LRGUK: variants seen among roughly 807,000 people sequenced by gnomAD.
LRGUK encodes the protein leucine-rich repeat and guanylate kinase domain-containing protein.
In LRGUK, 65 loss-of-function variants were observed where a neutral mutation model predicts 76.0. That is an observed-to-expected ratio of 0.85 (90% CI 0.70 to 1.05). The LOEUF (loss-of-function observed/expected upper bound fraction) is 1.05, where lower values mean the gene tolerates loss of function less well. Ranked by LOEUF, LRGUK falls within the 50% of genes least tolerant of loss-of-function variation. The pLI is 0.00. For synonymous variants in LRGUK, 268 were observed against 265.6 expected, an observed-to-expected ratio of 1.01 and a Z score of -0.09; for missense variants, 758 against 732.8, an observed-to-expected ratio of 1.03 and a Z score of -0.40.
At chr7:134,170,113 A>T (rs1212797927) in intron 7 of LRGUK, among the ~76,000 whole-genome samples, 2 of 151,992 alleles carry the variant, frequency 1.3e-5, no homozygotes, top group African/African-American at 4.8e-5. Context: ...GAGGTTAAAC[A>T]TTTTTTTGAC....
chr7:134,247,585 G>A (rs1563199137), exon 17 of LRGUK: 1 of 1,613,776 alleles, frequency 6.2e-7, no homozygotes, highest in East Asian at 2.2e-5. Context: ...GACAGCACGA[G>A]GCAGCCCGGC....
chr7:134,252,354 A>AATTT (rs1802469328), intron 18 of LRGUK, among the ~76,000 whole-genome samples: 3 of 138,308 alleles, frequency 2.2e-5, no homozygotes, highest in Admixed American at 6.8e-5. Context: ...AAATTAAATT[A>AATTT]AATTAAATTA....
intron 18 of LRGUK, 122 bp from the exon 19 acceptor site, chr7:134,258,135 T>C: frequency 8.4e-7 from 1 of 1,196,850 alleles, no homozygotes; most frequent in Non-Finnish European, 1.2e-6. Context: ...ACACAAGACA[T>C]GTCCACTAAC....
downstream of LRGUK, among the ~76,000 whole-genome samples, chr7:134,266,642 C>T (rs913117194): frequency 1.3e-5 from 2 of 152,206 alleles, no homozygotes; most frequent in African/African-American, 4.8e-5. Context: ...CAATATGAGT[C>T]CCAGGGATGT....
intron 3 of LRGUK, 28 bp downstream of exon 3, chr7:134,139,545 A>G: frequency 7.0e-7 from 1 of 1,432,786 alleles, no homozygotes; most frequent in Non-Finnish European, 9.8e-7. Context: ...TAGATTGATC[A>G]CTGAATTATC....
chr7:134,207,680 G>A lies in LRGUK; in HGVS notation c.1844-1027G>A, dbSNP rs77793401. ...GCTGGGAGCCTGGTTTGCCTCTGGGGAATGGATCACTCCAAGGTCACCTCA... is the reference window on the plus strand; with the variant it reads ...GCTGGGAGCCTGGTTTGCCTCTGGGAAATGGATCACTCCAAGGTCACCTCA... On this transcript the variant is annotated intron_variant, in intron 15 of 15. Coordinates refer to ENST00000645682, the Ensembl canonical transcript of LRGUK. Among the ~76,000 whole-genome samples, 20 of 152,282 alleles carry A rather than the reference G, an allele frequency of 1.3e-4. No individual in the cohort carries two copies. The East Asian group carries it at 3.9e-3, about 29-fold the overall frequency.
intron 16 of LRGUK, among the ~76,000 whole-genome samples, chr7:134,233,894 C>T (rs1563194399): frequency 6.6e-6 from 1 of 152,158 alleles, no homozygotes; most frequent in Admixed American, 6.5e-5. Context: ...CCACAGCCTG[C>T]CGGCCACATG....
chr7:134,231,651 CCTTCCTCCCTCCGTCCCTCT>C (rs1801898440), intron 16 of LRGUK, among the ~76,000 whole-genome samples: 2 of 127,196 alleles, frequency 1.6e-5, no homozygotes, highest in South Asian at 3.0e-4. Context: ...TTCCTCCCTT[CCTTCCTCCCTCCGTCCCTCT>C]CTTCCTCCCT....
chr7:134,234,990 C>T (rs1352394404), intron 16 of LRGUK, among the ~76,000 whole-genome samples: 1 of 152,170 alleles, frequency 6.6e-6, no homozygotes, highest in African/African-American at 2.4e-5. Context: ...ATTCTGGAAT[C>T]CAGAATCTGC....
chr7:134,211,964 C>T (rs1160615802), downstream of LRGUK, among the ~76,000 whole-genome samples: 2 of 152,178 alleles, frequency 1.3e-5, no homozygotes, highest in Non-Finnish European at 2.9e-5. Context: ...AGGACTCTCA[C>T]CACTTCTCTT....
At chr7:134,252,176 CAA>C (rs891622738) in intron 18 of LRGUK, among the ~76,000 whole-genome samples, 2 of 139,678 alleles carry the variant, frequency 1.4e-5, no homozygotes, top group Admixed American at 7.2e-5. Flanking sequence ...CTGTTTATAC[CAA>C]AAAAAAAAAA....
chr7:134,163,670 C>T (rs947407792), intron 7 of LRGUK, 130 bp downstream of exon 7: 2 of 767,704 alleles, frequency 2.6e-6, no homozygotes, highest in Non-Finnish European at 3.7e-6. Context: ...AAATATTGTT[C>T]TAGCAAAATT....
chr7:134,257,885 A>C lies in LRGUK; in HGVS notation c.2199-372A>C, dbSNP rs1038220999. On this transcript the variant is annotated intron_variant, in intron 18 of 19. Coordinates refer to the LRGUK transcript ENST00000285928. ...TGAGGTCCAGATCAGGCCACCTACC[A>C]TGGTTTTGTTTCTCTATCCTTGAAA... Among the ~76,000 whole-genome samples the C allele has an allele frequency of 2.0e-5, 3 of 152,168 alleles. No homozygotes were observed. In the Middle Eastern group the frequency reaches 0.01, roughly 521 times the overall value.
At chr7:134,225,331 T>C (rs1741091051) in intron 16 of LRGUK, among the ~76,000 whole-genome samples, 1 of 152,106 alleles carries the variant, frequency 6.6e-6, no homozygotes, top group South Asian at 2.1e-4. Flanking sequence ...GGAAACAGTT[T>C]CATGAACTTT....
At chr7:134,235,190 C>T (rs1285807716) in intron 16 of LRGUK, among the ~76,000 whole-genome samples, 2 of 152,212 alleles carry the variant, frequency 1.3e-5, no homozygotes, top group Non-Finnish European at 2.9e-5. Context: ...TTCCATGTTG[C>T]TCAGTGTCTT....
chr7:134,247,680 T>A (rs376687737), intron 17 of LRGUK, 36 bp downstream of exon 17: 1 of 1,477,692 alleles, frequency 6.8e-7, no homozygotes, highest in Non-Finnish European at 9.5e-7. Flanking sequence ...TTAGATTGAT[T>A]TCCTAGTGTT....
chr7:134,156,229 A>G (rs1319698329), intron 5 of LRGUK, among the ~76,000 whole-genome samples: 4 of 151,550 alleles, frequency 2.6e-5, no homozygotes, highest in Non-Finnish European at 5.9e-5. Context: ...ACTTAGATTC[A>G]CTCTTTCGGA....
intron 16 of LRGUK, among the ~76,000 whole-genome samples, chr7:134,245,791 T>A (rs1458948674): frequency 6.6e-6 from 1 of 152,026 alleles, no homozygotes; most frequent in Non-Finnish European, 1.5e-5. Context: ...GGAGAGTGAA[T>A]AACAACAAAC....
Position 134,243,491 on chromosome 7 carries a change from C to A in LRGUK, c.1984-4065C>A, listed in dbSNP as rs529929199. 2.6e-5 allele frequency among the ~76,000 whole-genome samples: 4 copies of A among 152,214 alleles called. No homozygotes were observed. The South Asian group carries it at 6.2e-4, about 24-fold the overall frequency. On this transcript the variant is annotated intron_variant, in intron 16 of 19. Transcript: ENST00000285928. ...ATAAAATACCTAGGAATCCAACTTA[C>A]AAGGGATGTGAAGGACCTCTTCAAG...
Sources: gnomAD v4.1 joint callset for allele counts (sites outside exome capture counted in the v4.1 genomes callset) on GRCh38, gnomAD v4.1.1 for gene constraint, MANE v1.5 for transcripts, NCBI Gene and HGNC (gene_info 2026-07-23, HGNC 2026-07-21) for gene names.